PCDHA5: variants seen among roughly 807,000 people sequenced by gnomAD.
PCDHA5 encodes the protein protocadherin alpha 5.
In PCDHA5, 43 loss-of-function variants were observed where a neutral mutation model predicts 61.6. That is an observed-to-expected ratio of 0.70 (90% confidence interval 0.55 to 0.90). The LOEUF (loss-of-function observed/expected upper bound fraction) is 0.90, where lower values mean the gene tolerates loss of function less well. Among genes scored for constraint, PCDHA5 ranks in the 40% least tolerant of loss-of-function variants. The pLI, the probability that PCDHA5 is intolerant of heterozygous loss-of-function variation, is 0.00. For missense variants in PCDHA5, 1,298 were observed against 1,222.7 expected, an observed-to-expected ratio of 1.06 and a Z score of -0.92; for synonymous variants, 627 against 543.9, an observed-to-expected ratio of 1.15 and a Z score of -2.13.
intron 1 of PCDHA5, chr5:140,834,258 C>CA (rs1772870639): frequency 5.3e-6 from 5 of 940,106 alleles, no homozygotes; most frequent in Non-Finnish European, 8.0e-6. Context: ...AAAGACGCTC[C>CA]ACTCTCTTTC....
At chr5:140,834,702 G>C in intron 1 of PCDHA5, 1 of 1,614,258 alleles carries the variant, frequency 6.2e-7, no homozygotes. Context: ...CATCCACCTG[G>C]AGGTGATCGT....
At chr5:140,842,084 G>T in intron 1 of PCDHA5, 1 of 1,613,876 alleles carries the variant, frequency 6.2e-7, no homozygotes, top group South Asian at 1.1e-5. Flanking sequence ...ATTCGAAAAC[G>T]CAGACAACGG....
intron 1 of PCDHA5, among the ~76,000 whole-genome samples, chr5:140,950,382 A>G (rs1424724989): frequency 3.3e-5 from 5 of 151,950 alleles, no homozygotes; most frequent in African/African-American, 7.2e-5. Context: ...CTTCCATTTG[A>G]ATGATATAGA....
chr5:140,961,504 G>T (rs2095618659), intron 1 of PCDHA5, among the ~76,000 whole-genome samples: 1 of 152,112 alleles, frequency 6.6e-6, no homozygotes, highest in African/African-American at 2.4e-5. Flanking sequence ...GGGAGACTTT[G>T]TTTAATGTCT....
At chr5:140,999,784 T>C (rs1176844844) in intron 3 of PCDHA5, among the ~76,000 whole-genome samples, 1 of 152,202 alleles carries the variant, frequency 6.6e-6, no homozygotes, top group African/African-American at 2.4e-5. Context: ...AACCTAGAAA[T>C]GGCAGAGTTA....
At chr5:140,839,650 T>C (rs1297660391) in intron 1 of PCDHA5, among the ~76,000 whole-genome samples, 1 of 152,088 alleles carries the variant, frequency 6.6e-6, no homozygotes, top group African/African-American at 2.4e-5. Flanking sequence ...TCTTTACAAA[T>C]TGTTTGCTAC....
At chr5:140,999,345 C>A (rs2097854633) in intron 3 of PCDHA5, among the ~76,000 whole-genome samples, 1 of 152,178 alleles carries the variant, frequency 6.6e-6, no homozygotes, top group Non-Finnish European at 1.5e-5. Flanking sequence ...TAAGCCTTGT[C>A]TCTTTTTAAT....
At chr5:140,983,885 T>C (rs74936593) in intron 3 of PCDHA5, among the ~76,000 whole-genome samples, 2,965 of 152,290 alleles carry the variant, frequency 0.019, 72 homozygotes, top group African/African-American at 0.056. Flanking sequence ...ACTGGCAACT[T>C]TAAGGGCATT....
At chr5:140,974,379 T>G (rs2096625482) in intron 1 of PCDHA5, among the ~76,000 whole-genome samples, 1 of 152,250 alleles carries the variant, frequency 6.6e-6, no homozygotes, top group South Asian at 2.1e-4. Flanking sequence ...TCTGTTGTAC[T>G]GGAACCCATT....
intron 1 of PCDHA5, chr5:140,854,192 T>C: frequency 3.9e-6 from 2 of 506,570 alleles, no homozygotes; most frequent in Non-Finnish European, 5.1e-6. Flanking sequence ...GTTTAACTAC[T>C]CCCTACTTTT....
At chr5:140,903,403 C>T (rs2070268499) in intron 1 of PCDHA5, among the ~76,000 whole-genome samples, 1 of 152,156 alleles carries the variant, frequency 6.6e-6, no homozygotes, top group Non-Finnish European at 1.5e-5. Flanking sequence ...AACAGTAGTG[C>T]AGTCAGGAAA....
intron 1 of PCDHA5, chr5:140,967,668 C>T (rs1554229751): frequency 1.2e-6 from 2 of 1,614,108 alleles, no homozygotes; most frequent in Non-Finnish European, 8.5e-7. Flanking sequence ...AGCTACACGT[C>T]GGACCGGGAG....
intron 1 of PCDHA5, chr5:140,834,742 A>T: frequency 1.2e-6 from 2 of 1,614,196 alleles, no homozygotes; most frequent in Non-Finnish European, 1.7e-6. Flanking sequence ...TTCCATGTGG[A>T]CGTGGAGGTG....
intron 3 of PCDHA5, among the ~76,000 whole-genome samples, chr5:140,985,013 C>T (rs1022576947): frequency 8.6e-5 from 13 of 152,046 alleles, no homozygotes; most frequent in Non-Finnish European, 1.3e-4. Context: ...TATCGGCTCA[C>T]AGCAACCTCT....
At chr5:140,861,996 G>T (rs988991562) in intron 1 of PCDHA5, 4 of 155,486 alleles carry the variant, frequency 2.6e-5, no homozygotes, top group African/African-American at 9.7e-5. Context: ...AAGGTACACT[G>T]GTTATTAGAC....
chr5:140,978,820 T>C (rs2096824926), intron 1 of PCDHA5, 129 bp from the exon 2 acceptor site: 1 of 1,517,496 alleles, frequency 6.6e-7, no homozygotes, highest in East Asian at 2.4e-5. Context: ...GAGTTACACA[T>C]GAAATGGCTC....
intron 3 of PCDHA5, among the ~76,000 whole-genome samples, chr5:140,993,460 T>TCA (rs1554253699): frequency 1.6e-3 from 169 of 104,560 alleles, no homozygotes; most frequent in African/African-American, 3.8e-3. Flanking sequence ...CTTCTTTCTT[T>TCA]CTCACACACA....
chr5:140,941,310 C>T (rs1375547519), intron 1 of PCDHA5, among the ~76,000 whole-genome samples: 10 of 79,218 alleles, frequency 1.3e-4, no homozygotes, highest in Non-Finnish European at 1.8e-4. Flanking sequence ...CTTTCTTTTT[C>T]TTCTTTCTCT....
At chr5:140,982,127 C>G (rs1367393953) in intron 2 of PCDHA5, among the ~76,000 whole-genome samples, 1 of 152,244 alleles carries the variant, frequency 6.6e-6, no homozygotes, top group Non-Finnish European at 1.5e-5. Flanking sequence ...CTTTTGAGAA[C>G]AAGCCCTCCT....
Sources: gnomAD v4.1 joint callset for allele counts (sites outside exome capture counted in the v4.1 genomes callset) on GRCh38, gnomAD v4.1.1 for gene constraint, MANE v1.5 for transcripts, NCBI Gene and HGNC (gene_info 2026-07-23, HGNC 2026-07-21) for gene names.